The following PPFIA2 variants were observed in gnomAD, a reference collection of about 807,000 sequenced individuals.
The protein encoded by PPFIA2 is PPFI scaffold protein A2.
In PPFIA2, 46 loss-of-function variants were observed where a neutral mutation model predicts 175.5. The observed-to-expected ratio is 0.26, with a 90% CI of 0.21 to 0.34. The LOEUF is 0.34. Ranked by LOEUF, PPFIA2 falls within the 10% of genes least tolerant of loss-of-function variation. PPFIA2 has a pLI of 1.00. For synonymous variants in PPFIA2, 568 were observed against 511.4 expected, an observed-to-expected ratio of 1.11 and a Z score of -1.49; for missense variants, 1,179 against 1,506.1, an observed-to-expected ratio of 0.78 and a Z score of 3.60.
chr12:81,445,498 G>C, intron 6 of PPFIA2, 58 bp downstream of exon 6: 2 of 1,519,214 alleles, frequency 1.3e-6, no homozygotes, highest in East Asian at 2.3e-5. Context: ...TGAAGACAAA[G>C]AGCTTGATGC....
chr12:81,382,677 T>C (rs1464568656), intron 9 of PPFIA2, among the ~76,000 whole-genome samples: 1 of 152,112 alleles, frequency 6.6e-6, no homozygotes, highest in Non-Finnish European at 1.5e-5. Context: ...GCAACAATAA[T>C]AATGGATAAG....
At chr12:81,587,078 C>A (rs879587169) in intron 4 of PPFIA2, among the ~76,000 whole-genome samples, 1 of 151,900 alleles carries the variant, frequency 6.6e-6, no homozygotes, top group Non-Finnish European at 1.5e-5. Flanking sequence ...TGCTTATAGT[C>A]ACACTCTAGC....
At chr12:81,679,759 A>G (rs987971444) in intron 3 of PPFIA2, among the ~76,000 whole-genome samples, 33 of 151,968 alleles carry the variant, frequency 2.2e-4, no homozygotes, top group Non-Finnish European at 1.2e-4. Context: ...GTAAGTTGAA[A>G]AGGAGTGTCC....
intron 4 of PPFIA2, among the ~76,000 whole-genome samples, chr12:81,621,818 A>G (rs1167102755): frequency 6.6e-6 from 1 of 152,206 alleles, no homozygotes; most frequent in East Asian, 1.9e-4. Flanking sequence ...AGTTTGAGAT[A>G]TCCTTTAGAC....
chr12:81,643,002 AT>A (rs1297982245), intron 4 of PPFIA2, among the ~76,000 whole-genome samples: 1 of 147,184 alleles, frequency 6.8e-6, no homozygotes, highest in Non-Finnish European at 1.5e-5. Flanking sequence ...TATATAATAT[AT>A]ATTTTATATA....
chr12:81,267,665 C>A (rs2037678368), intron 29 of PPFIA2, among the ~76,000 whole-genome samples: 1 of 151,566 alleles, frequency 6.6e-6, no homozygotes, highest in African/African-American at 2.4e-5. Flanking sequence ...TTAGTGGAAT[C>A]TGGCATTCAG....
chr12:81,280,712 A>G (rs2041897242), intron 27 of PPFIA2, among the ~76,000 whole-genome samples: 1 of 152,130 alleles, frequency 6.6e-6, no homozygotes, highest in Non-Finnish European at 1.5e-5. Flanking sequence ...GTTCAACTGC[A>G]TCCTCACAGT....
intron 4 of PPFIA2, among the ~76,000 whole-genome samples, chr12:81,534,091 C>T (rs2065038174): frequency 2.6e-5 from 4 of 151,580 alleles, no homozygotes; most frequent in Non-Finnish European, 5.9e-5. Context: ...TGCATGTTCT[C>T]ACTCATATGT....
At chr12:81,591,151 T>C (rs980388221) in intron 4 of PPFIA2, among the ~76,000 whole-genome samples, 8 of 55,570 alleles carry the variant, frequency 1.4e-4, no homozygotes, top group African/African-American at 5.1e-4. Flanking sequence ...AGGTGACCCT[T>C]GTTATGTTTT....
chr12:81,583,759 G>T (rs2074768449), intron 4 of PPFIA2, among the ~76,000 whole-genome samples: 1 of 151,772 alleles, frequency 6.6e-6, no homozygotes. Context: ...GAGGCCTAGG[G>T]TCCACAGTAT....
chr12:81,608,065 C>T (rs2060512069), intron 4 of PPFIA2, among the ~76,000 whole-genome samples: 3 of 151,882 alleles, frequency 2.0e-5, no homozygotes. Flanking sequence ...ATTGTTTTTG[C>T]TTTTAATTCT....
At chr12:81,541,376 C>T (rs2066185191) in intron 4 of PPFIA2, among the ~76,000 whole-genome samples, 1 of 151,544 alleles carries the variant, frequency 6.6e-6, no homozygotes, top group Non-Finnish European at 1.5e-5. Flanking sequence ...CCTACTAATG[C>T]AAGATAATTT....
At chr12:81,625,567 A>G (rs1258714905) in intron 4 of PPFIA2, among the ~76,000 whole-genome samples, 1 of 151,828 alleles carries the variant, frequency 6.6e-6, no homozygotes, top group East Asian at 1.9e-4. Context: ...ATTATGTGTC[A>G]CTAGGTAAGA....
At chr12:81,689,718 A>T (rs1454996465) in intron 3 of PPFIA2, among the ~76,000 whole-genome samples, 1 of 152,052 alleles carries the variant, frequency 6.6e-6, no homozygotes, top group Non-Finnish European at 1.5e-5. Flanking sequence ...TCTTTCATTT[A>T]CTGGGATCAA....
At chr12:81,376,008 G>T in intron 9 of PPFIA2, 66 bp from the exon 10 acceptor site, 5 of 1,392,144 alleles carry the variant, frequency 3.6e-6, no homozygotes, top group Non-Finnish European at 5.0e-6. Flanking sequence ...TGTCTTGTTA[G>T]TTAAATAAAA....
At position 81,601,659 on chromosome 12, in the gene PPFIA2, A is replaced by G. The variant is rs138320910; in HGVS notation, c.303+75132T>C. Among the ~76,000 whole-genome samples, 24 of 152,026 alleles carry G rather than the reference A, an allele frequency of 1.6e-4. No individual in the cohort carries two copies. In the East Asian group the frequency reaches 3.9e-3, roughly 25 times the overall value. The stretch of plus-strand genomic sequence containing the variant: ...GCCCAAGAAGTCCTAATGGGCAGGA[A>G]CTGAACAGTCTTGGAGCAGGCTCAG... On this transcript the variant is annotated intron_variant, in intron 4 of 32. Transcript: ENST00000549396.
At position 81,443,948 on chromosome 12, in the gene PPFIA2, G is replaced by A. The variant is rs2050740450; in HGVS notation, c.570+1608C>T. On this transcript the variant is annotated intron_variant, in intron 6 of 32. Coordinates refer to ENST00000549396, the MANE Select transcript of PPFIA2 (RefSeq NM_003625.5). The stretch of plus-strand genomic sequence containing the variant: ...GGGCTCACTGCAAGCTCCACCTCCC[G>A]GGTTCACGCCATTCTCCTGCCTCAG... Among the ~76,000 whole-genome samples the A allele has an allele frequency of 3.1e-5, 4 of 130,548 alleles. No individual in the cohort carries two copies. In the South Asian group the frequency reaches 1.0e-3, roughly 33 times the overall value. 85.6% of individuals were successfully genotyped at this position (130,548 alleles called of 152,430 possible).
intron 7 of PPFIA2, among the ~76,000 whole-genome samples, chr12:81,427,257 T>A (rs2047299982): frequency 6.6e-6 from 1 of 152,098 alleles, no homozygotes; most frequent in Non-Finnish European, 1.5e-5. Context: ...AAATTGAAAG[T>A]CAGACATCTT....
intron 4 of PPFIA2, among the ~76,000 whole-genome samples, chr12:81,599,636 G>A (rs894350444): frequency 3.3e-5 from 5 of 151,940 alleles, no homozygotes; most frequent in Non-Finnish European, 7.4e-5. Context: ...AGAAACTGAT[G>A]TTAGTGTATT....
Sources: gnomAD v4.1 joint callset for allele counts (sites outside exome capture counted in the v4.1 genomes callset) on GRCh38, gnomAD v4.1.1 for gene constraint, MANE v1.5 for transcripts, NCBI Gene and HGNC (gene_info 2026-07-23, HGNC 2026-07-21) for gene names.